USP50: variants seen among roughly 807,000 people sequenced by gnomAD.
The protein encoded by USP50 is ubiquitin specific peptidase 50.
A neutral mutation model predicts 39.2 loss-of-function variants in USP50; 37 were observed. That is an observed-to-expected ratio of 0.94 (90% CI 0.73 to 1.24). USP50 has a LOEUF of 1.24. Ranked by LOEUF, USP50 falls within the 50% of genes most tolerant of loss-of-function variation. USP50 has a pLI of 0.00. For synonymous variants in USP50, 139 were observed against 144.5 expected (o/e 0.96, Z 0.27); for missense variants, 374 against 398.2 (o/e 0.94, Z 0.52).
At chr15:50,493,475 G>A (rs746916982), downstream of USP50, 1 of 519,000 alleles carries the variant, frequency 1.9e-6, no homozygotes, top group African/African-American at 1.9e-5. Flanking sequence ...AATGAAGGCT[G>A]GGCATGGTGG....
At chr15:50,516,668 G>C (rs931085003) in intron 6 of USP50, among the ~76,000 whole-genome samples, 2 of 151,842 alleles carry the variant, frequency 1.3e-5, no homozygotes, top group African/African-American at 4.8e-5. Context: ...AGAGGCAGTA[G>C]GGATACATAT....
chr15:50,524,961 T>A (rs1200000700), intron 6 of USP50, among the ~76,000 whole-genome samples: 2 of 152,080 alleles, frequency 1.3e-5, no homozygotes, highest in Non-Finnish European at 2.9e-5. Flanking sequence ...AATCAATACA[T>A]TGAAGGGATA....
rs115764805 is a variant in USP50 at position 50,536,168 on chromosome 15, G to T, written c.803+2541C>A. On this transcript the variant is annotated intron_variant, in intron 5 of 6. Transcript: ENST00000532404. ...CAAGAAAATAACAGGTATAGAGACA[G>T]GGAAGTAAGAAATAAAACCGTCTTT... 7.6e-3 allele frequency among the ~76,000 whole-genome samples: 1,162 copies of T among 152,220 alleles called. 16 individuals are homozygous for T. The highest frequency in any genetic ancestry group is 0.027 in the African/African-American group (1,104 of 41,526).
chr15:50,531,327 A>C (rs932449161), intron 5 of USP50, among the ~76,000 whole-genome samples: 1 of 152,194 alleles, frequency 6.6e-6, no homozygotes, highest in Non-Finnish European at 1.5e-5. Context: ...ACGTCCATCA[A>C]CTGGTGGAGA....
At chr15:50,533,960 ACTGC>A (rs1446533187) in intron 5 of USP50, among the ~76,000 whole-genome samples, 1 of 152,194 alleles carries the variant, frequency 6.6e-6, no homozygotes, top group African/African-American at 2.4e-5. Flanking sequence ...AGATCATGCC[ACTGC>A]CCTCCAGGCT....
downstream of USP50, chr15:50,493,076 C>T (rs559823783): frequency 2.5e-5 from 20 of 790,490 alleles, no homozygotes; most frequent in East Asian, 2.8e-5. Flanking sequence ...ACTGGGAAGG[C>T]CATCGTCTAG....
chr15:50,493,362 GT>G (rs1333309897), downstream of USP50: 1 of 519,906 alleles, frequency 1.9e-6, no homozygotes, highest in Non-Finnish European at 3.8e-6. Flanking sequence ...ATAATTTCAT[GT>G]TGACATCAAG....
At chr15:50,529,969 G>C (rs780369336) in intron 5 of USP50, 40 bp from the exon 6 acceptor site, 4 of 1,609,674 alleles carry the variant, frequency 2.5e-6, no homozygotes, top group Admixed American at 3.4e-5. Flanking sequence ...AAGTAAGCTT[G>C]TGAACCACTC....
downstream of USP50, chr15:50,499,171 A>C: frequency 7.3e-7 from 1 of 1,370,716 alleles, no homozygotes; most frequent in Non-Finnish European, 9.8e-7. Context: ...AATGGTAGCT[A>C]TAGCTGGCCA....
intron 1 of USP50, among the ~76,000 whole-genome samples, chr15:50,494,652 ATTCTT>A (rs1450899500): frequency 3.3e-5 from 5 of 152,170 alleles, no homozygotes; most frequent in East Asian, 1.9e-4. Flanking sequence ...ACATATCCTT[ATTCTT>A]TTCTTTTTCC....
intron 6 of USP50, chr15:50,502,907 C>T (rs1353002192): frequency 6.6e-6 from 1 of 152,208 alleles, no homozygotes; most frequent in Non-Finnish European, 1.5e-5. Flanking sequence ...CATCTATTAA[C>T]ATGGCTTGTT....
rs544265087 is a variant in USP50, at chr15:50,530,143, C to T, written c.804-214G>A. ...GTAACATGGCAAAACCCCGTCTCTA[C>T]ATAAAATTCTCACCTGTAGTCCCAG... On this transcript the variant is annotated intron_variant, in intron 5 of 6. Transcript: ENST00000532404. Among the ~76,000 whole-genome samples, 5 of 152,194 alleles carry T rather than the reference C, an allele frequency of 3.3e-5. No individual in the cohort carries two copies. In the South Asian group the frequency reaches 1.0e-3, roughly 32 times the overall value.
chr15:50,534,602 G>A (rs1275570487), intron 5 of USP50, among the ~76,000 whole-genome samples: 1 of 152,114 alleles, frequency 6.6e-6, no homozygotes, highest in South Asian at 2.1e-4. Context: ...ATTCAACTGT[G>A]TACTGTGTAC....
At chr15:50,516,483 G>T (rs2052804700) in intron 6 of USP50, among the ~76,000 whole-genome samples, 1 of 152,090 alleles carries the variant, frequency 6.6e-6, no homozygotes, top group Admixed American at 6.6e-5. Context: ...CGGGCGTGGT[G>T]GCGGGCGCCT....
chr15:50,510,132 A>G (rs1221711281), intron 6 of USP50: 1 of 152,150 alleles, frequency 6.6e-6, no homozygotes, highest in Non-Finnish European at 1.5e-5. Context: ...ACAGACACAC[A>G]CAGCATAGGA....
intron 6 of USP50, chr15:50,511,813 A>G (rs1025538636): frequency 2.0e-5 from 3 of 152,328 alleles, no homozygotes; most frequent in East Asian, 1.9e-4. Context: ...CCTGGGCAAT[A>G]TAGCAAAACC....
At chr15:50,494,354 T>G (rs1031426217) in intron 1 of USP50, 58 of 1,329,802 alleles carry the variant, frequency 4.4e-5, no homozygotes, top group Non-Finnish European at 5.6e-5. Flanking sequence ...TTATAGCAGT[T>G]TAAAATTCTA....
chr15:50,536,638 C>G (rs1181002018), intron 5 of USP50, among the ~76,000 whole-genome samples: 1 of 151,806 alleles, frequency 6.6e-6, no homozygotes, highest in Non-Finnish European at 1.5e-5. Flanking sequence ...AAGACTCCAT[C>G]TCAAAAAAAT....
chr15:50,508,188 T>C (rs1190936670), intron 6 of USP50: 1 of 148,624 alleles, frequency 6.7e-6, no homozygotes, highest in African/African-American at 2.5e-5. Flanking sequence ...CTTTTGGAAA[T>C]TAAAAAAACA....
Sources: gnomAD v4.1 joint callset for allele counts (sites outside exome capture counted in the v4.1 genomes callset) on GRCh38, gnomAD v4.1.1 for gene constraint, MANE v1.5 for transcripts, NCBI Gene and HGNC (gene_info 2026-07-23, HGNC 2026-07-21) for gene names.